The following ANKRD13A variants were observed in gnomAD, a reference collection of about 807,000 sequenced individuals.
ANKRD13A encodes the protein ankyrin repeat domain 13A, also known as ankyrin repeat domain-containing protein 13A.
Under a neutral mutation model 81.3 loss-of-function variants are expected in ANKRD13A, and 48 were observed. The ratio of observed to expected loss-of-function variants is 0.59; its 90% confidence interval spans 0.47 to 0.75. The LOEUF (loss-of-function observed/expected upper bound fraction) is 0.75. Ranked by LOEUF, ANKRD13A falls within the 30% of genes least tolerant of loss-of-function variation. The probability of loss-of-function intolerance (pLI) is 0.00; values close to 1 mark genes in which losing one functional copy is unlikely to be tolerated. For synonymous variants in ANKRD13A, 230 were observed against 270.1 expected (o/e 0.85, Z 1.45); for missense variants, 612 against 734.0 (o/e 0.83, Z 1.92).
At chr12:110,026,066 A>G (rs995243542) in intron 8 of ANKRD13A, among the ~76,000 whole-genome samples, 10 of 150,480 alleles carry the variant, frequency 6.6e-5, no homozygotes, top group Non-Finnish European at 1.3e-4. Context: ...GGTTCAAGTG[A>G]TTCTCCTGCC....
At chr12:110,010,549 C>T (rs933377444) in intron 1 of ANKRD13A, among the ~76,000 whole-genome samples, 1 of 152,080 alleles carries the variant, frequency 6.6e-6, no homozygotes, top group African/African-American at 2.4e-5. Flanking sequence ...CTCTTTGGTG[C>T]GATGGACAAG....
At chr12:110,000,142 G>T (rs1482007471) in intron 1 of ANKRD13A, among the ~76,000 whole-genome samples, 1 of 152,198 alleles carries the variant, frequency 6.6e-6, no homozygotes, top group Non-Finnish European at 1.5e-5. Context: ...GGAATGCACC[G>T]TCTTAACCAT....
At chr12:110,011,180 G>A (rs1012697299) in intron 1 of ANKRD13A, among the ~76,000 whole-genome samples, 5 of 152,170 alleles carry the variant, frequency 3.3e-5, no homozygotes, top group Admixed American at 3.3e-4. Flanking sequence ...AACTTTCAGA[G>A]TCACATTTTT....
At chr12:110,006,743 T>C (rs573940329) in intron 1 of ANKRD13A, among the ~76,000 whole-genome samples, 2 of 152,188 alleles carry the variant, frequency 1.3e-5, no homozygotes, top group South Asian at 4.1e-4. Flanking sequence ...ATTACAGGCA[T>C]GCGCCACCAT....
rs368389044 is a variant in ANKRD13A, at chr12:110,030,708, C to T, written c.1298C>T (p.Thr433Ile). The change falls in exon 12 of 15, where the codon ACT becomes ATT. Residue 433 changes from threonine (T) to isoleucine (I), a missense_variant. By Grantham distance (89) the Thr-to-Ile change is moderately conservative. Transcript: ENST00000261739. ...ITFGNVNGCS[T>I]AEESVSQNVE... ...TTTGGAAATGTTAATGGCTGTAGCA[C>T]TGCCGAAGAATCTGTATCTCAAAAT... 23 of 1,610,868 alleles carry T rather than the reference C, an allele frequency of 1.4e-5. No homozygotes were observed. Among genetic ancestry groups the T allele is most frequent in the Non-Finnish European group, 1.7e-5 (20 of 1,178,282 alleles).
intron 12 of ANKRD13A, among the ~76,000 whole-genome samples, chr12:110,031,087 C>T (rs1891662947): frequency 6.7e-6 from 1 of 150,122 alleles, no homozygotes; most frequent in African/African-American, 2.5e-5. Flanking sequence ...GCCTGGGCAA[C>T]AAGAGCAAAA....
chr12:110,033,682 C>A, intron 12 of ANKRD13A, 115 bp from the exon 13 acceptor site: 11 of 986,404 alleles, frequency 1.1e-5, no homozygotes, highest in Non-Finnish European at 1.6e-5. Flanking sequence ...TAATAGTAAG[C>A]CTTGATTGTT....
intron 2 of ANKRD13A, 74 bp downstream of exon 2, chr12:110,012,211 GA>G: frequency 6.7e-7 from 1 of 1,487,936 alleles, no homozygotes. Flanking sequence ...AAAAAAATAT[GA>G]AAATTAGCCA....
Position 109,999,879 on chromosome 12 carries a change from C to A in ANKRD13A, c.96+95C>A, listed in dbSNP as rs1889860302. 2 of 1,170,362 alleles carry A rather than the reference C, an allele frequency of 1.7e-6. No individual in the cohort carries two copies. The highest frequency in any genetic ancestry group is 2.3e-6 in the Non-Finnish European group (2 of 858,406). 72.5% of individuals were successfully genotyped at this position (1,170,362 alleles called of 1,614,324 possible). On this transcript the variant is annotated intron_variant, in intron 1 of 14. Coordinates refer to ENST00000261739, the MANE Select transcript of ANKRD13A (RefSeq NM_033121.2). The surrounding 1 kb of genome is among the most constrained non-coding windows in gnomAD (Gnocchi z 4.3). ...GAGCCCATTTCCAGCCCTCTGTCCC[C>A]GGGATCCCCAGACCCCTTCCACTTT... is the stretch of plus-strand genomic sequence containing the variant.
In ANKRD13A at chr12:110,014,950, A is replaced by AT. The variant is rs200740786; in HGVS notation, c.355-1427dup. On this transcript the variant is annotated intron_variant, in intron 3 of 14. Transcript: ENST00000261739. ...AGGCGCCCACCACCGCGCCCGGCTA[A>AT]TTTTTTTTTTTGTATTTTTAGTAGA... is the stretch of plus-strand genomic sequence containing the variant. Among the ~76,000 whole-genome samples the AT allele has an allele frequency of 2.9e-3, 426 of 146,398 alleles. 2 individuals carry two copies. The highest frequency in any genetic ancestry group is 0.018 in the East Asian group (92 of 5,034).
At chr12:110,003,976 G>A (rs936415589) in intron 1 of ANKRD13A, among the ~76,000 whole-genome samples, 18 of 152,142 alleles carry the variant, frequency 1.2e-4, no homozygotes, top group Admixed American at 3.3e-4. Context: ...GGCCAACATA[G>A]TGAAACCCCA....
At chr12:110,035,144 C>T (rs1009201858) in intron 13 of ANKRD13A, among the ~76,000 whole-genome samples, 2 of 152,208 alleles carry the variant, frequency 1.3e-5, no homozygotes, top group South Asian at 4.1e-4. Context: ...GACCCCTGCA[C>T]ATCACCATCA....
rs573273487 is a variant in ANKRD13A, at chr12:110,013,177, C to T, written c.282C>T (p.Leu94=). ...TGDPEMVYTV[L]QHRDYHNTSM... is the part of the protein sequence containing the mutation. ...ATCCTGAGATGGTGTACACAGTTCT[C>T]CAACATCGAGACTACCACAACACAT... is the stretch of plus-strand genomic sequence containing the variant. The change falls in exon 3 of 15, where the codon CTC becomes CTT. Residue 94 remains leucine (L), a synonymous_variant. Transcript: ENST00000261739. 3 of 1,614,146 alleles carry T rather than the reference C, an allele frequency of 1.9e-6. No homozygotes were observed. Among genetic ancestry groups the T allele is most frequent in the African/African-American group, 2.7e-5 (2 of 75,036 alleles).
At chr12:110,029,165 T>C (rs1201497734) in intron 10 of ANKRD13A, 1 of 238,376 alleles carries the variant, frequency 4.2e-6, no homozygotes, top group African/African-American at 2.3e-5. Flanking sequence ...TTTTTTTTTT[T>C]ATTGCTAACC....
At chr12:110,025,968 T>C (rs1334503406) in intron 8 of ANKRD13A, 145 bp downstream of exon 8, 6 of 629,212 alleles carry the variant, frequency 9.5e-6, no homozygotes, top group African/African-American at 3.8e-5. Context: ...CTCTCTCTTT[T>C]TTTTTTTTTT....
intron 7 of ANKRD13A, among the ~76,000 whole-genome samples, chr12:110,024,447 A>G (rs1891220063): frequency 6.6e-6 from 1 of 152,066 alleles, no homozygotes; most frequent in Non-Finnish European, 1.5e-5. Flanking sequence ...TAGACTTCAC[A>G]TGTGTTCAAA....
intron 5 of ANKRD13A, 66 bp from the exon 6 acceptor site, chr12:110,019,073 C>G: frequency 2.0e-6 from 3 of 1,470,400 alleles, no homozygotes; most frequent in Non-Finnish European, 2.7e-6. Flanking sequence ...TTTTAACATA[C>G]GAAGCTTCCT....
At position 110,028,515 on chromosome 12, in the gene ANKRD13A, C is replaced by A; in HGVS notation, c.949C>A (p.Leu317Ile). ...VEHQFGAQGD[L>I]TTECATANNP... ...CTCCTGAGTTCTGGCTCAGCAGGAC[C>A]TCACCACGGAATGTGCTACTGCAAA... Residue 317 changes from leucine (L) to isoleucine (I), a missense_variant, in exon 10 of 15, where the codon CTC (leucine) becomes ATC (isoleucine). Transcript: ENST00000261739. 6.2e-7 allele frequency: 1 copy of A among 1,614,030 alleles called. No homozygotes were observed. The highest frequency in any genetic ancestry group is 8.5e-7 in the Non-Finnish European group (1 of 1,179,964).
At chr12:110,006,329 T>C (rs1284461397) in intron 1 of ANKRD13A, among the ~76,000 whole-genome samples, 1 of 152,212 alleles carries the variant, frequency 6.6e-6, no homozygotes, top group Non-Finnish European at 1.5e-5. Context: ...TATTATCTGT[T>C]GTTTTGTTTG....
Sources: gnomAD v4.1 joint callset for allele counts (sites outside exome capture counted in the v4.1 genomes callset) on GRCh38, gnomAD v4.1.1 for gene constraint, Gnocchi (gnomAD v3.1) non-coding constraint, MANE v1.5 for transcripts, NCBI Gene and HGNC (gene_info 2026-07-23, HGNC 2026-07-21) for gene names.